ANKRD33B: variants seen among roughly 807,000 people sequenced by gnomAD.
ANKRD33B encodes ankyrin repeat domain-containing protein 33B.
In ANKRD33B, 6 loss-of-function variants were observed where a neutral mutation model predicts 21.5. That is an observed-to-expected ratio of 0.28 (90% CI 0.15 to 0.55). ANKRD33B has a LOEUF of 0.55. Among genes scored for constraint, ANKRD33B ranks in the 20% least tolerant of loss-of-function variants. The pLI, the probability that ANKRD33B is intolerant of heterozygous loss-of-function variation, is 0.94. For missense variants in ANKRD33B, 698 were observed against 747.2 expected (o/e 0.93, Z 0.77); for synonymous variants, 347 against 342.4 (o/e 1.01, Z -0.15).
At chr5:10,575,790 T>C (rs1471999861) in intron 1 of ANKRD33B, among the ~76,000 whole-genome samples, 1 of 152,068 alleles carries the variant, frequency 6.6e-6, no homozygotes, top group Non-Finnish European at 1.5e-5. Flanking sequence ...GACGTCACAG[T>C]CTTGAAATAA....
At chr5:10,571,431 A>C (rs1735185262) in intron 1 of ANKRD33B, among the ~76,000 whole-genome samples, 1 of 151,992 alleles carries the variant, frequency 6.6e-6, no homozygotes, top group Non-Finnish European at 1.5e-5. Flanking sequence ...CAAACTCCTG[A>C]CCTCAGGTGA....
chr5:10,591,123 C>G lies in ANKRD33B; in HGVS notation c.366+26290C>G, dbSNP rs532019268. 4.0e-5 allele frequency among the ~76,000 whole-genome samples: 6 copies of G among 151,044 alleles called. No homozygotes were observed. In the East Asian group the frequency reaches 1.2e-3, roughly 29 times the overall value. On this transcript the variant is annotated intron_variant, in intron 1 of 3. Transcript: ENST00000296657. ...TATCTATTTCTTTATGGTTTCCGGCCTTGCTCTATTGCTTCAAAATGCTGT... is the reference window on the plus strand; with the variant it reads ...TATCTATTTCTTTATGGTTTCCGGCGTTGCTCTATTGCTTCAAAATGCTGT...
chr5:10,619,544 G>GTGGGAGTGGTCTGGGCA lies in ANKRD33B; in HGVS notation c.496+1083_496+1099dup, dbSNP rs1208389851. On this transcript the variant is annotated intron_variant, in intron 2 of 3. Coordinates refer to ENST00000296657, the MANE Select transcript of ANKRD33B (RefSeq NM_001164440.2). The surrounding 1 kb of genome is among the most constrained non-coding windows in gnomAD (Gnocchi z 4.5). ...GTGTTTGACAGTTTCATCCCCTGTG[G>GTGGGAGTGGTCTGGGCA]TGGGAGTGGTCTGGGCACCCTACTT... Among the ~76,000 whole-genome samples, 1 of 152,212 alleles carries GTGGGAGTGGTCTGGGCA rather than the reference G, an allele frequency of 6.6e-6. No individual in the cohort carries two copies. Among genetic ancestry groups the GTGGGAGTGGTCTGGGCA allele is most frequent in the Non-Finnish European group, 1.5e-5 (1 of 68,028 alleles).
rs568170429 is a variant in ANKRD33B, at chr5:10,593,665, C to G, written c.367-24668C>G. Among the ~76,000 whole-genome samples, 870 of 152,074 alleles carry G rather than the reference C, an allele frequency of 5.7e-3. 6 individuals carry two copies. The highest frequency in any genetic ancestry group is 0.02 in the African/African-American group (824 of 41,460). ...TTCACCTCTCCAGCCTCTCTCCAAC[C>G]TCTTCTCCTCCCGGGCAGGGGGGCT... is the stretch of plus-strand genomic sequence containing the variant. On this transcript the variant is annotated intron_variant, in intron 1 of 3. Transcript: ENST00000296657.
chr5:10,630,743 C>T (rs1736689478), intron 2 of ANKRD33B, among the ~76,000 whole-genome samples: 1 of 152,068 alleles, frequency 6.6e-6, no homozygotes, highest in Non-Finnish European at 1.5e-5. Context: ...CACGGTGGCT[C>T]ATGCCTAGAA....
At chr5:10,610,977 G>A (rs1736158301) in intron 1 of ANKRD33B, among the ~76,000 whole-genome samples, 1 of 152,244 alleles carries the variant, frequency 6.6e-6, no homozygotes, top group Admixed American at 6.5e-5. Context: ...CTGGGGGGCG[G>A]AGGTTGCGGT....
chr5:10,584,690 G>A (rs564786297), intron 1 of ANKRD33B, among the ~76,000 whole-genome samples: 12 of 152,276 alleles, frequency 7.9e-5, no homozygotes, highest in Middle Eastern at 3.4e-3. Flanking sequence ...TGTGCCAGGC[G>A]CTGTTCTAGG....
rs1182952654 is a variant in ANKRD33B at position 10,654,828 on chromosome 5, G to A, written c.*4715G>A. The A allele has an allele frequency of 6.6e-6, 1 of 152,570 alleles. No homozygotes were observed. Among genetic ancestry groups the A allele is most frequent in the African/African-American group, 2.4e-5 (1 of 41,462 alleles). The allele number at this position is 152,570 out of a possible 1,614,324, so 9.5% of individuals were successfully genotyped here. On this transcript the variant is annotated 3_prime_UTR_variant, in exon 4 of 4. Transcript: ENST00000296657. ...GACAATTTTTTCTACTTGCTTCTGT[G>A]AATAAAGTGTTCTACAGTCAGCCCA...
At chr5:10,647,093 C>G (rs1737204651) in intron 3 of ANKRD33B, among the ~76,000 whole-genome samples, 1 of 151,964 alleles carries the variant, frequency 6.6e-6, no homozygotes, top group African/African-American at 2.4e-5. Flanking sequence ...ACTAATGGGA[C>G]TTGAAATCCT....
intron 1 of ANKRD33B, among the ~76,000 whole-genome samples, chr5:10,611,236 G>A (rs149782901): frequency 1.9e-4 from 29 of 152,294 alleles, no homozygotes; most frequent in African/African-American, 6.3e-4. Flanking sequence ...GTTTGAAGCC[G>A]TTATGACAAA....
At chr5:10,640,865 C>T (rs1430038701) in intron 3 of ANKRD33B, among the ~76,000 whole-genome samples, 1 of 152,198 alleles carries the variant, frequency 6.6e-6, no homozygotes, top group Non-Finnish European at 1.5e-5. Context: ...TCTGCTGATG[C>T]CCCTTCCTTC....
intron 1 of ANKRD33B, among the ~76,000 whole-genome samples, chr5:10,603,179 G>A (rs1735969279): frequency 6.6e-6 from 1 of 152,020 alleles, no homozygotes; most frequent in South Asian, 2.1e-4. Context: ...TCTGTCTTCT[G>A]TACAGTTTTC....
chr5:10,653,489 T>C lies in ANKRD33B; in HGVS notation c.*3376T>C, dbSNP rs902925061. 1 of 152,570 alleles carries C rather than the reference T, an allele frequency of 6.6e-6. No homozygotes were observed. The highest frequency in any genetic ancestry group is 2.4e-5 in the African/African-American group (1 of 41,462). 9.5% of individuals were successfully genotyped at this position (152,570 alleles called of 1,614,324 possible). On this transcript the variant is annotated 3_prime_UTR_variant, in exon 4 of 4. Transcript: ENST00000296657. ...CCTTGAGGGGGTGTCATGGGGTCAGTGTCAGGGTGATCTGACGGGTCAGTT... is the reference window on the plus strand; with the variant it reads ...CCTTGAGGGGGTGTCATGGGGTCAGCGTCAGGGTGATCTGACGGGTCAGTT...
intron 2 of ANKRD33B, among the ~76,000 whole-genome samples, chr5:10,628,802 A>C (rs566016138): frequency 2.6e-5 from 4 of 152,268 alleles, no homozygotes; most frequent in Admixed American, 6.5e-5. Context: ...GGGAACCCAT[A>C]TATGCATGGG....
chr5:10,627,100 T>C (rs371332129), intron 2 of ANKRD33B, among the ~76,000 whole-genome samples: 4 of 152,202 alleles, frequency 2.6e-5, no homozygotes, highest in Non-Finnish European at 2.9e-5. Context: ...ACAATAAAAA[T>C]ACAGCCAAAT....
chr5:10,634,888 T>C (rs2126597019), intron 2 of ANKRD33B, among the ~76,000 whole-genome samples: 1 of 67,880 alleles, frequency 1.5e-5, no homozygotes, highest in East Asian at 3.8e-4. Context: ...AGGTTAATAC[T>C]TATACATTCT....
At chr5:10,616,409 A>C (rs1736283799) in intron 1 of ANKRD33B, among the ~76,000 whole-genome samples, 1 of 152,046 alleles carries the variant, frequency 6.6e-6, no homozygotes, top group South Asian at 2.1e-4. Context: ...TACTGAAAAT[A>C]CAAAATTAGC....
At chr5:10,612,002 T>G (rs1736181479) in intron 1 of ANKRD33B, among the ~76,000 whole-genome samples, 1 of 152,186 alleles carries the variant, frequency 6.6e-6, no homozygotes, top group Non-Finnish European at 1.5e-5. Flanking sequence ...CCTCTCATGC[T>G]CTTTCATTCT....
intron 1 of ANKRD33B, among the ~76,000 whole-genome samples, chr5:10,565,302 G>A (rs1471579587): frequency 3.3e-5 from 5 of 152,218 alleles, no homozygotes; most frequent in Non-Finnish European, 7.3e-5. Context: ...CCCTCGCGCC[G>A]CCCTTGTCCT....
Sources: gnomAD v4.1 joint callset for allele counts (sites outside exome capture counted in the v4.1 genomes callset) on GRCh38, gnomAD v4.1.1 for gene constraint, Gnocchi (gnomAD v3.1) non-coding constraint, MANE v1.5 for transcripts, NCBI Gene and HGNC (gene_info 2026-07-23, HGNC 2026-07-21) for gene names.